The following TJP2 variants were observed in gnomAD, a reference collection of about 807,000 sequenced individuals.
The protein encoded by TJP2 is tight junction protein 2.
TJP2 carries 91 observed loss-of-function variants against 133.1 expected under a neutral mutation model. That is an observed-to-expected ratio of 0.68 (90% CI 0.58 to 0.81). TJP2 has a LOEUF of 0.81. Ranked by LOEUF, TJP2 falls within the 40% of genes least tolerant of loss-of-function variation. The probability of loss-of-function intolerance (pLI) is 0.00; values close to 1 mark genes in which losing one functional copy is unlikely to be tolerated. For missense variants in TJP2, 1,541 were observed against 1,565.6 expected (o/e 0.98, Z 0.26); for synonymous variants, 592 against 583.4 (o/e 1.01, Z -0.21).
At chr9:69,183,288 C>T (rs1157742915) in intron 1 of TJP2, among the ~76,000 whole-genome samples, 1 of 152,200 alleles carries the variant, frequency 6.6e-6, no homozygotes, top group African/African-American at 2.4e-5. Flanking sequence ...AGATTAAAAA[C>T]TAGAATTTTC....
chr9:69,151,308 C>T (rs1041956219), intron 1 of TJP2, among the ~76,000 whole-genome samples: 2 of 151,960 alleles, frequency 1.3e-5, no homozygotes, highest in African/African-American at 4.8e-5. Context: ...ATGGAGAAAC[C>T]CCGTCTCTAC....
chr9:69,145,691 C>G (rs990589803), intron 1 of TJP2: 1 of 1,227,444 alleles, frequency 8.1e-7, no homozygotes, highest in African/African-American at 1.6e-5. Context: ...GACCTTGTAC[C>G]GAGAGAGACA....
rs148473844 is a variant in TJP2 at position 69,221,994 on chromosome 9, C to T, written c.952+498C>T. 5.5e-3 allele frequency among the ~76,000 whole-genome samples: 837 copies of T among 151,702 alleles called. 5 individuals carry two copies. The highest frequency in any genetic ancestry group is 8.9e-3 in the Admixed American group (136 of 15,218). On this transcript the variant is annotated intron_variant, in intron 5 of 22. Transcript: ENST00000377245. ...TCAAGCAGTTTTCCTGCCTCAGCCT[C>T]CCTAGTAGCTGGGATCACAGGCGTG...
intron 1 of TJP2, among the ~76,000 whole-genome samples, chr9:69,197,086 A>G (rs927199236): frequency 1.3e-5 from 2 of 151,756 alleles, no homozygotes; most frequent in Non-Finnish European, 2.9e-5. Context: ...ATCCTGCTTC[A>G]CCCTCCCCAG....
intron 1 of TJP2, among the ~76,000 whole-genome samples, chr9:69,137,241 CTCTCTCTCTTTCTTTCTTTCTTTCTT>C (rs1822780732): frequency 3.9e-5 from 1 of 25,738 alleles, no homozygotes; most frequent in Non-Finnish European, 8.3e-5. Context: ...TTCTTTCTTT[CTCTCTCTCTTTCTTTCTTTCTTTCTT>C]TCTTTTTCTT....
At chr9:69,249,257 G>T in intron 19 of TJP2, 118 bp from the exon 20 acceptor site, 2 of 1,521,672 alleles carry the variant, frequency 1.3e-6, no homozygotes, top group Non-Finnish European at 1.8e-6. Context: ...AAGAAGCACC[G>T]GCTCAGAACC....
intron 1 of TJP2, among the ~76,000 whole-genome samples, chr9:69,129,597 TTTTATTAGGGTACTC>T (rs1822399277): frequency 6.6e-6 from 1 of 152,208 alleles, no homozygotes. Context: ...TGTCTATATA[TTTTATTAGGGTACTC>T]TTTATTTTAT....
intron 22 of TJP2, chr9:69,253,253 TC>T (rs1831470918): frequency 3.1e-6 from 1 of 321,332 alleles, no homozygotes; most frequent in South Asian, 3.4e-5. Flanking sequence ...CAGCCAAACT[TC>T]TTAATTCCTT....
intron 1 of TJP2, among the ~76,000 whole-genome samples, chr9:69,142,617 G>A (rs543572245): frequency 6.6e-6 from 1 of 152,246 alleles, no homozygotes; most frequent in East Asian, 1.9e-4. Context: ...CAGGGCATTA[G>A]TTCATTTCCC....
At position 69,221,377 on chromosome 9, in the gene TJP2, G is replaced by C. The variant is rs754451836; in HGVS notation, c.833G>C (p.Arg278Pro). Reference protein sequence around the residue: ...EYRRGARHDARSRGPRSRSRE... With the variant: ...EYRRGARHDAPSRGPRSRSRE... ...AGGCGCGGGGCCCGCCACGATGCCCGCTCTCGGGGACCCCGAAGCCGCAGC... is the reference window on the plus strand; with the variant it reads ...AGGCGCGGGGCCCGCCACGATGCCCCCTCTCGGGGACCCCGAAGCCGCAGC... Residue 278 changes from arginine (R) to proline (P), a missense_variant, in exon 5 of 23, where the codon CGC becomes CCC. Physicochemically the swap from Arg to Pro is moderately radical, Grantham distance 103. Coordinates refer to ENST00000377245, the MANE Select transcript of TJP2 (RefSeq NM_004817.4). 1.3e-6 allele frequency: 2 copies of C among 1,582,844 alleles called. No individual in the cohort carries two copies. The highest frequency in any genetic ancestry group is 1.7e-6 in the Non-Finnish European group (2 of 1,165,344).
chr9:69,192,599 T>C (rs1687278302), intron 1 of TJP2, among the ~76,000 whole-genome samples: 1 of 152,258 alleles, frequency 6.6e-6, no homozygotes, highest in African/African-American at 2.4e-5. Flanking sequence ...CTCCTTCAGA[T>C]AAACATTTCT....
At position 69,174,295 on chromosome 9, in the gene TJP2, GC is replaced by G; in HGVS notation, c.-75del. On this transcript the variant is annotated 5_prime_UTR_variant, in exon 1 of 23. Transcript: ENST00000377245. ...GCGGGTCAGAGCACTGTCCGGTGGTGCCCAGGAGGAGTAGGAGCAGGAGCAG... is the reference window on the plus strand; with the variant it reads ...GCGGGTCAGAGCACTGTCCGGTGGTGCCAGGAGGAGTAGGAGCAGGAGCAG... The G allele has an allele frequency of 1.3e-6, 2 of 1,549,664 alleles. No homozygotes were observed. The highest frequency in any genetic ancestry group is 1.7e-6 in the Non-Finnish European group (2 of 1,146,480).
chr9:69,245,601 A>G (rs562302361), intron 17 of TJP2, among the ~76,000 whole-genome samples: 1 of 152,312 alleles, frequency 6.6e-6, no homozygotes, highest in Admixed American at 6.5e-5. Flanking sequence ...AGGCTCTGAA[A>G]GCAGTTTTCT....
chr9:69,196,956 C>T (rs534176301), intron 1 of TJP2, among the ~76,000 whole-genome samples: 7 of 150,916 alleles, frequency 4.6e-5, no homozygotes, highest in African/African-American at 9.8e-5. Flanking sequence ...TACACACACA[C>T]ACACACACAC....
At chr9:69,248,868 G>A (rs1392141018) in intron 19 of TJP2, 2 of 992,980 alleles carry the variant, frequency 2.0e-6, no homozygotes, top group Non-Finnish European at 2.4e-6. Flanking sequence ...GATCTTTGAA[G>A]ATGGGATTGT....
chr9:69,220,899 C>T lies in TJP2; in HGVS notation c.355C>T (p.Pro119Ser). The part of the protein sequence containing the change: ...GKVAAIVVKR[P>S]RKVQVAALQA... Reference sequence around the variant, plus strand: ...GTTTTGACAACAGGTGGTCAAGAGGCCCCGGAAGGTCCAGGTGGCCGCACT... The same window carrying T: ...GTTTTGACAACAGGTGGTCAAGAGGTCCCGGAAGGTCCAGGTGGCCGCACT... The change falls in exon 5 of 23, where the codon CCC becomes TCC. Residue 119 changes from proline to serine, a missense_variant. Transcript: ENST00000377245. 1 of 1,612,286 alleles carries T rather than the reference C, an allele frequency of 6.2e-7. No homozygotes were observed.
chr9:69,131,192 G>T (rs898854026), intron 1 of TJP2, among the ~76,000 whole-genome samples: 6 of 152,200 alleles, frequency 3.9e-5, no homozygotes, highest in African/African-American at 1.2e-4. Flanking sequence ...TGCGAGGAGT[G>T]ACTGTCATCT....
intron 2 of TJP2, among the ~76,000 whole-genome samples, chr9:69,159,813 T>G (rs914818883): frequency 1.3e-5 from 2 of 151,142 alleles, no homozygotes; most frequent in African/African-American, 2.4e-5. Flanking sequence ...GTGGCAGAGG[T>G]TGCAGTGAGC....
chr9:69,203,631 T>TTTTTTTTTC (rs71309247), intron 1 of TJP2, among the ~76,000 whole-genome samples: 1 of 138,886 alleles, frequency 7.2e-6, no homozygotes, highest in Non-Finnish European at 1.6e-5. Context: ...TTTTTTTTTT[T>TTTTTTTTTC]GAGACAGGGT....
Sources: gnomAD v4.1 joint callset for allele counts (sites outside exome capture counted in the v4.1 genomes callset) on GRCh38, gnomAD v4.1.1 for gene constraint, MANE v1.5 for transcripts, NCBI Gene and HGNC (gene_info 2026-07-23, HGNC 2026-07-21) for gene names.